The following MCPH1 variants were observed in gnomAD, a reference collection of about 807,000 sequenced individuals.
MCPH1 encodes microcephalin 1, also known as microcephalin.
MCPH1 carries 104 observed loss-of-function variants against 84.5 expected under a neutral mutation model. The observed-to-expected ratio is 1.23, with a 90% CI of 1.05 to 1.45. The LOEUF is 1.45. Among genes scored for constraint, MCPH1 ranks in the 40% most tolerant of loss-of-function variants. The pLI, the probability that MCPH1 is intolerant of heterozygous loss-of-function variation, is 0.00. For synonymous variants in MCPH1, 514 were observed against 366.8 expected, an observed-to-expected ratio of 1.40 and a Z score of -4.58; for missense variants, 1,498 against 1,005.7, an observed-to-expected ratio of 1.49 and a Z score of -6.62.
intron 12 of MCPH1, chr8:6,532,574 TAA>T (rs10662997): frequency 0.014 from 8,112 of 580,750 alleles, no homozygotes; most frequent in South Asian, 0.024. Flanking sequence ...TCCCTATCTT[TAA>T]AAAAAAAAAA....
At chr8:6,485,936 A>G (rs141038849) in intron 11 of MCPH1, among the ~76,000 whole-genome samples, 389 of 152,286 alleles carry the variant, frequency 2.6e-3, no homozygotes, top group African/African-American at 7.5e-3. Context: ...TGCACCCTCA[A>G]AAAGTTTAGA....
chr8:6,591,784 C>G (rs1034865345), intron 12 of MCPH1, among the ~76,000 whole-genome samples: 1 of 152,184 alleles, frequency 6.6e-6, no homozygotes, highest in African/African-American at 2.4e-5. Flanking sequence ...ACAACTTCGT[C>G]TAACCCCCTA....
At chr8:6,488,811 G>A (rs1017640279) in intron 11 of MCPH1, among the ~76,000 whole-genome samples, 1 of 152,136 alleles carries the variant, frequency 6.6e-6, no homozygotes, top group African/African-American at 2.4e-5. Flanking sequence ...GGATTGCAGG[G>A]AGGTAAGAAC....
intron 12 of MCPH1, among the ~76,000 whole-genome samples, chr8:6,511,462 T>C (rs1204249701): frequency 1.3e-5 from 2 of 152,218 alleles, no homozygotes; most frequent in Admixed American, 1.3e-4. Flanking sequence ...TTAGTTTCAC[T>C]AGAAAGAATG....
chr8:6,496,166 A>G (rs1385218265), intron 11 of MCPH1, among the ~76,000 whole-genome samples: 1 of 152,166 alleles, frequency 6.6e-6, no homozygotes, highest in Non-Finnish European at 1.5e-5. Context: ...CTGCAACTAG[A>G]CAGTCCCATC....
At chr8:6,568,261 AATGTGG>A in intron 12 of MCPH1, among the ~76,000 whole-genome samples, 1 of 116,364 alleles carries the variant, frequency 8.6e-6, no homozygotes, top group East Asian at 2.5e-4. Context: ...CTGAATGTGG[AATGTGG>A]ACCCATCGCT....
chr8:6,499,041 G>A (rs1164555208), intron 11 of MCPH1, among the ~76,000 whole-genome samples: 1 of 151,094 alleles, frequency 6.6e-6, no homozygotes, highest in East Asian at 1.9e-4. Flanking sequence ...GACAGAGTGA[G>A]AGTTTGTCTC....
intron 12 of MCPH1, chr8:6,618,744 C>G (rs1831110845): frequency 6.6e-6 from 1 of 152,052 alleles, no homozygotes; most frequent in South Asian, 2.1e-4. Context: ...CTTCTAGAAA[C>G]AAAAACTTAA....
chr8:6,433,190 C>G (rs1585727965), intron 4 of MCPH1, among the ~76,000 whole-genome samples: 1 of 152,148 alleles, frequency 6.6e-6, no homozygotes, highest in Non-Finnish European at 1.5e-5. Context: ...TATTCATGTA[C>G]TTTTAGTCAC....
chr8:6,431,745 A>G lies in MCPH1; in HGVS notation c.321+159A>G, dbSNP rs538535546. Among the ~76,000 whole-genome samples, 5 of 152,334 alleles carry G rather than the reference A, an allele frequency of 3.3e-5. No homozygotes were observed. In the East Asian group the frequency reaches 9.6e-4, roughly 29 times the overall value. The stretch of plus-strand genomic sequence containing the variant: ...TTCACATAGCATTTTTAAGTGAATT[A>G]CAGAGATTATTTTATCCTATGACTT... On this transcript the variant is annotated intron_variant, in intron 4 of 13. Coordinates refer to ENST00000344683, the MANE Select transcript of MCPH1 (RefSeq NM_024596.5).
chr8:6,630,025 G>T (rs1280020413), intron 13 of MCPH1, among the ~76,000 whole-genome samples: 1 of 152,228 alleles, frequency 6.6e-6, no homozygotes, highest in Non-Finnish European at 1.5e-5. Context: ...AAAGTAGTTG[G>T]ATGAAATGAT....
chr8:6,437,653 C>T (rs900471931), intron 5 of MCPH1, among the ~76,000 whole-genome samples: 4 of 152,304 alleles, frequency 2.6e-5, no homozygotes, highest in Non-Finnish European at 4.4e-5. Context: ...TCAGCCCTCC[C>T]GCTGCCTCAC....
At position 6,592,209 on chromosome 8, in the gene MCPH1, A is replaced by G. The variant is rs75307074; in HGVS notation, c.2215-29245A>G. ...GTTCTGTCACCCAAACTGGAGTGCA[A>G]TGGGGTGATCCTGGCTCACTGCAGC... is the stretch of plus-strand genomic sequence containing the variant. On this transcript the variant is annotated intron_variant, in intron 12 of 13. Coordinates refer to ENST00000344683, the MANE Select transcript of MCPH1 (RefSeq NM_024596.5). Among the ~76,000 whole-genome samples the G allele has an allele frequency of 0.031, 4,735 of 152,048 alleles. 433 individuals are homozygous for G. In the East Asian group the frequency reaches 0.36, roughly 12 times the overall value.
intron 8 of MCPH1, chr8:6,446,698 A>T (rs1203802265): frequency 1.0e-6 from 1 of 985,172 alleles, no homozygotes; most frequent in Non-Finnish European, 1.2e-6. Flanking sequence ...TGAGGTTTAC[A>T]TTCTCCATCT....
intron 12 of MCPH1, among the ~76,000 whole-genome samples, chr8:6,533,195 T>C (rs79895568): frequency 0.01 from 1,548 of 152,354 alleles, 30 homozygotes; most frequent in African/African-American, 0.036. Context: ...GGGCTGGTTC[T>C]TCTCTCCCTC....
intron 9 of MCPH1, among the ~76,000 whole-genome samples, chr8:6,461,868 A>G (rs1389192475): frequency 1.3e-5 from 2 of 152,350 alleles, no homozygotes; most frequent in East Asian, 3.9e-4. Flanking sequence ...GAAATACACG[A>G]ATGTAATTTT....
At chr8:6,639,254 G>T (rs1306784432) in intron 13 of MCPH1, among the ~76,000 whole-genome samples, 4 of 152,182 alleles carry the variant, frequency 2.6e-5, no homozygotes, top group Non-Finnish European at 4.4e-5. Flanking sequence ...CATAGTCAAA[G>T]AACTCAAACA....
chr8:6,607,812 G>T (rs796185438), intron 12 of MCPH1, among the ~76,000 whole-genome samples: 4 of 152,256 alleles, frequency 2.6e-5, no homozygotes, highest in African/African-American at 7.2e-5. Flanking sequence ...GCCTCCCCAG[G>T]CAGGTGGAAC....
chr8:6,542,349 T>G (rs1821762196), intron 12 of MCPH1, among the ~76,000 whole-genome samples: 1 of 151,894 alleles, frequency 6.6e-6, no homozygotes, highest in African/African-American at 2.4e-5. Context: ...TGTGTTTCAG[T>G]TCTCTAAGAA....
Sources: gnomAD v4.1 joint callset for allele counts (sites outside exome capture counted in the v4.1 genomes callset) on GRCh38, gnomAD v4.1.1 for gene constraint, MANE v1.5 for transcripts, NCBI Gene and HGNC (gene_info 2026-07-23, HGNC 2026-07-21) for gene names.